GIT2: variants seen among roughly 807,000 people sequenced by gnomAD.
The protein encoded by GIT2 is GIT ArfGAP 2, also known as ARF GTPase-activating protein GIT2.
A neutral mutation model predicts 100.3 loss-of-function variants in GIT2; 32 were observed. The observed-to-expected ratio is 0.32, with a 90% confidence interval of 0.24 to 0.43. The LOEUF (loss-of-function observed/expected upper bound fraction) is 0.43. Ranked by LOEUF, GIT2 falls within the 20% of genes least tolerant of loss-of-function variation. GIT2 has a pLI of 1.00. For synonymous variants in GIT2, 353 were observed against 364.1 expected, an observed-to-expected ratio of 0.97 and a Z score of 0.35; for missense variants, 737 against 975.1, an observed-to-expected ratio of 0.76 and a Z score of 3.25.
At chr12:109,989,112 C>A (rs758370325) in intron 3 of GIT2, 44 bp from the exon 4 acceptor site, 4 of 1,105,730 alleles carry the variant, frequency 3.6e-6, no homozygotes, top group Non-Finnish European at 5.6e-6. Context: ...CGTTCAGATA[C>A]AACAATCCCC....
upstream of GIT2, chr12:109,999,727 G>A (rs1889845024): frequency 6.5e-7 from 1 of 1,536,456 alleles, no homozygotes. The surrounding 1 kb of genome is among the most constrained non-coding windows in gnomAD (Gnocchi z 4.3). Flanking sequence ...ACTACCCCCT[G>A]CACCTCCTAG....
In GIT2 at chr12:109,996,350, C is replaced by A. The variant is rs746264461; in HGVS notation, c.-126G>T. 36 of 634,366 alleles carry A rather than the reference C, an allele frequency of 5.7e-5. No individual in the cohort carries two copies. Among genetic ancestry groups the A allele is most frequent in the Non-Finnish European group, 8.2e-5 (31 of 377,796 alleles). The allele number at this position is 634,366 out of a possible 1,614,324, so 39.3% of individuals were successfully genotyped here. ...CTGACGGCGGCGCCTCTCCCCTCAG[C>A]GCCTTGCAGCCTTGGCACAGCACGC... On this transcript the variant is annotated 5_prime_UTR_variant, in exon 1 of 20. Coordinates refer to ENST00000355312, the MANE Select transcript of GIT2 (RefSeq NM_057169.5).
chr12:109,978,076 GTTTTTTTTTTTT>G lies in GIT2; in HGVS notation c.718+2864_718+2875del, dbSNP rs111855474. Among the ~76,000 whole-genome samples the G allele has an allele frequency of 1.1e-3, 101 of 93,528 alleles. 2 individuals are homozygous for G. The highest frequency in any genetic ancestry group is 0.011 in the Middle Eastern group (1 of 92). The allele number at this position is 93,528 out of a possible 152,430, so 61.4% of individuals were successfully genotyped here. ...TTTATGTCTTTCACCAAATTTAGAG[GTTTTTTTTTTTT>G]TTTTTTTTTTTTGAGACGGAGTTTC... On this transcript the variant is annotated intron_variant, in intron 7 of 19. Transcript: ENST00000355312.
At chr12:109,978,471 G>A (rs1885611879) in intron 7 of GIT2, among the ~76,000 whole-genome samples, 2 of 152,096 alleles carry the variant, frequency 1.3e-5, no homozygotes, top group Non-Finnish European at 2.9e-5. Flanking sequence ...GGAATCCAAC[G>A]ACATAAATGT....
intron 2 of GIT2, among the ~76,000 whole-genome samples, chr12:109,990,752 C>T (rs1888214696): frequency 6.6e-6 from 1 of 152,208 alleles, no homozygotes; most frequent in African/African-American, 2.4e-5. Flanking sequence ...TGACATTGGA[C>T]TCCAGATAAA....
At position 109,964,620 on chromosome 12, in the gene GIT2, GACACACACACACACAC is replaced by G. The variant is rs58007337; in HGVS notation, c.816+890_816+905del. On this transcript the variant is annotated intron_variant, in intron 9 of 19. Coordinates refer to ENST00000355312, the MANE Select transcript of GIT2 (RefSeq NM_057169.5). ...TGGCCTCAGAGGGTGTTAATCTAAA[GACACACACACACACAC>G]ACACACACACACACACACACACACA... Among the ~76,000 whole-genome samples, 1,032 of 119,054 alleles carry G rather than the reference GACACACACACACACAC, an allele frequency of 8.7e-3. 18 individuals carry two copies. Among genetic ancestry groups the G allele is most frequent in the African/African-American group, 0.026 (837 of 32,538 alleles). The allele number at this position is 119,054 out of a possible 152,430, so 78.1% of individuals were successfully genotyped here.
chr12:109,943,811 C>T (rs1875497222), intron 16 of GIT2, among the ~76,000 whole-genome samples: 1 of 151,866 alleles, frequency 6.6e-6, no homozygotes, highest in African/African-American at 2.4e-5. Flanking sequence ...CCCATCTCAG[C>T]CTCCCAAGCA....
chr12:109,989,465 TG>T (rs1887994856), intron 3 of GIT2, among the ~76,000 whole-genome samples: 1 of 152,198 alleles, frequency 6.6e-6, no homozygotes, highest in Admixed American at 6.6e-5. Flanking sequence ...CTCCAAGCCA[TG>T]GTTTCCAACT....
At chr12:109,971,526 A>G (rs891027012) in intron 7 of GIT2, among the ~76,000 whole-genome samples, 1 of 151,268 alleles carries the variant, frequency 6.6e-6, no homozygotes, top group African/African-American at 2.4e-5. Context: ...GGGCTTCCCC[A>G]TGTTAACCAG....
chr12:109,993,054 TCA>T (rs1289903625), intron 1 of GIT2, among the ~76,000 whole-genome samples: 1 of 152,022 alleles, frequency 6.6e-6, no homozygotes, highest in African/African-American at 2.4e-5. Context: ...AACAGCAGCT[TCA>T]CAGAGGCAAA....
chr12:109,952,443 C>G, intron 13 of GIT2: 1 of 514,856 alleles, frequency 1.9e-6, no homozygotes, highest in Admixed American at 2.0e-5. Flanking sequence ...CAGAAGAGTC[C>G]TCCCCAGACA....
intron 7 of GIT2, among the ~76,000 whole-genome samples, chr12:109,977,753 C>T (rs1004927135): frequency 5.3e-5 from 8 of 151,010 alleles, no homozygotes; most frequent in East Asian, 2.0e-4. Context: ...ACCTGGGAGG[C>T]GGAGGTTTCA....
At chr12:109,999,831 A>C, upstream of GIT2, 4 of 1,468,788 alleles carry the variant, frequency 2.7e-6, no homozygotes, top group South Asian at 5.1e-5. This position sits in a 1 kb window ranked among gnomAD's most constrained non-coding sequence, Gnocchi z 4.3. Flanking sequence ...ACTTCGGGGA[A>C]TCGGGGGTCG....
intron 8 of GIT2, among the ~76,000 whole-genome samples, chr12:109,966,283 T>C (rs1399898017): frequency 0.029 from 10 of 348 alleles, no homozygotes; most frequent in South Asian, 0.21. Context: ...TGTGAGCCAC[T>C]GCCCTGGCGA....
intron 7 of GIT2, among the ~76,000 whole-genome samples, chr12:109,976,619 C>T (rs1885143992): frequency 1.4e-5 from 2 of 140,184 alleles, no homozygotes; most frequent in Admixed American, 7.6e-5. Flanking sequence ...GAGATGGAGT[C>T]TCCCTGTCGC....
chr12:109,950,396 G>A (rs1260722122), intron 14 of GIT2, among the ~76,000 whole-genome samples: 1 of 152,206 alleles, frequency 6.6e-6, no homozygotes, highest in Non-Finnish European at 1.5e-5. Flanking sequence ...TGAATGATGA[G>A]TGATACCCAC....
intron 16 of GIT2, chr12:109,943,006 C>G (rs1222721522): frequency 6.6e-6 from 1 of 152,178 alleles, no homozygotes; most frequent in Non-Finnish European, 1.5e-5. Context: ...TACCTTATAG[C>G]TGGTGCTGGT....
At chr12:109,999,481 G>A, upstream of GIT2, 1 of 271,032 alleles carries the variant, frequency 3.7e-6, no homozygotes, top group Non-Finnish European at 6.9e-6. This position sits in a 1 kb window ranked among gnomAD's most constrained non-coding sequence, Gnocchi z 4.3. Flanking sequence ...CGGGGCGCGG[G>A]GTGGGCGCGG....
rs757509751 is a variant in GIT2 at position 109,989,822 on chromosome 12, C to T, written c.187-20G>A. ...AACCATCTAAAACCAAGCAGGATGACATAAGACTTTAATTTCTTTTCACAA... is the reference window on the plus strand; with the variant it reads ...AACCATCTAAAACCAAGCAGGATGATATAAGACTTTAATTTCTTTTCACAA... On this transcript the variant is annotated intron_variant, in intron 2 of 19. Coordinates refer to ENST00000355312, the MANE Select transcript of GIT2 (RefSeq NM_057169.5). 3 of 1,238,280 alleles carry T rather than the reference C, an allele frequency of 2.4e-6. No individual in the cohort carries two copies. The highest frequency in any genetic ancestry group is 2.4e-5 in the South Asian group (2 of 83,092). 76.7% of individuals were successfully genotyped at this position (1,238,280 alleles called of 1,614,324 possible). A position where few individuals can be genotyped will look rare whatever the true frequency, so the allele number is the denominator to read the frequency against.
Sources: allele counts gnomAD v4.1 joint callset (sites outside exome capture counted in the v4.1 genomes callset), GRCh38; gene constraint gnomAD v4.1.1; non-coding constraint Gnocchi (gnomAD v3.1); transcripts MANE v1.5; gene names NCBI Gene and HGNC (gene_info 2026-07-23, HGNC 2026-07-21).